FBXW11: variants seen among roughly 807,000 people sequenced by gnomAD.
FBXW11 encodes the protein F-box/WD repeat-containing protein 11.
Under a neutral mutation model 77.6 loss-of-function variants are expected in FBXW11, and 19 were observed. The observed-to-expected ratio is 0.24, with a 90% CI of 0.17 to 0.36. The LOEUF (loss-of-function observed/expected upper bound fraction) is 0.36, where lower values mean the gene tolerates loss of function less well. Among genes scored for constraint, FBXW11 ranks in the 10% least tolerant of loss-of-function variants. The pLI is 1.00. For synonymous variants in FBXW11, 235 were observed against 249.4 expected (o/e 0.94, Z 0.54); for missense variants, 334 against 704.2 (o/e 0.47, Z 5.95).
At chr5:171,971,293 A>C (rs1018171800) in intron 1 of FBXW11, among the ~76,000 whole-genome samples, 3 of 152,188 alleles carry the variant, frequency 2.0e-5, no homozygotes, top group Non-Finnish European at 4.4e-5. Flanking sequence ...ACAGAAAACA[A>C]CACTCTGGAA....
chr5:171,883,953 GA>G (rs745433614), intron 7 of FBXW11, among the ~76,000 whole-genome samples: 1 of 152,138 alleles, frequency 6.6e-6, no homozygotes, highest in African/African-American at 2.4e-5. Flanking sequence ...TCCTTTGTCA[GA>G]TGTATAGATT....
intron 7 of FBXW11, among the ~76,000 whole-genome samples, chr5:171,886,256 G>A (rs1389177578): frequency 6.6e-6 from 1 of 152,148 alleles, no homozygotes; most frequent in African/African-American, 2.4e-5. Context: ...AAAATGATGA[G>A]TTCATGTCCT....
At chr5:171,886,471 T>C (rs1358826201) in intron 7 of FBXW11, among the ~76,000 whole-genome samples, 1 of 151,848 alleles carries the variant, frequency 6.6e-6, no homozygotes, top group Non-Finnish European at 1.5e-5. Context: ...TACCTAATGT[T>C]AAACGAAGAG....
At chr5:172,000,080 C>T (rs552163963) in intron 1 of FBXW11, among the ~76,000 whole-genome samples, 2 of 152,190 alleles carry the variant, frequency 1.3e-5, no homozygotes, top group Non-Finnish European at 2.9e-5. Flanking sequence ...TAAGCAATTG[C>T]GATCAGCAGA....
At chr5:171,971,536 C>T (rs1437489127) in intron 1 of FBXW11, among the ~76,000 whole-genome samples, 11 of 152,128 alleles carry the variant, frequency 7.2e-5, no homozygotes, top group Admixed American at 7.2e-4. Flanking sequence ...GTATATGTCA[C>T]TGTAATCACT....
chr5:171,952,740 G>A (rs1463035442), intron 2 of FBXW11, among the ~76,000 whole-genome samples: 9 of 151,598 alleles, frequency 5.9e-5, no homozygotes, highest in African/African-American at 9.7e-5. Flanking sequence ...GTGAGCCACC[G>A]CGCCCAGCCT....
intron 10 of FBXW11, 40 bp downstream of exon 10, chr5:171,872,832 A>G (rs1757839737): frequency 6.7e-7 from 1 of 1,499,444 alleles, no homozygotes; most frequent in Non-Finnish European, 9.3e-7. Context: ...CAATGTGGCA[A>G]AAATCAGCCT....
At chr5:171,899,677 T>C (rs894876410) in intron 5 of FBXW11, among the ~76,000 whole-genome samples, 1 of 101,578 alleles carries the variant, frequency 9.8e-6, no homozygotes, top group Non-Finnish European at 2.1e-5. Flanking sequence ...CATAAATACA[T>C]AGCTTTGAAA....
intron 1 of FBXW11, among the ~76,000 whole-genome samples, chr5:171,991,672 T>C (rs1241711390): frequency 6.6e-6 from 1 of 152,218 alleles, no homozygotes; most frequent in African/African-American, 2.4e-5. Context: ...AAATTTGAGT[T>C]TGCATAAATG....
At chr5:171,884,082 C>T (rs910050853) in intron 7 of FBXW11, among the ~76,000 whole-genome samples, 4 of 152,220 alleles carry the variant, frequency 2.6e-5, no homozygotes, top group African/African-American at 9.6e-5. Flanking sequence ...GTAGTATTTG[C>T]TTTTGGTTCT....
At chr5:172,003,304 T>C (rs1766528113) in intron 1 of FBXW11, 1 of 152,212 alleles carries the variant, frequency 6.6e-6, no homozygotes, top group Non-Finnish European at 1.5e-5. Context: ...TTTCTAGTGA[T>C]GAGTGCCTGA....
chr5:172,000,423 T>C (rs1017511607), intron 1 of FBXW11, among the ~76,000 whole-genome samples: 3 of 152,206 alleles, frequency 2.0e-5, no homozygotes, highest in Non-Finnish European at 2.9e-5. Flanking sequence ...TTACGCCAAA[T>C]TGGTAGTCAT....
chr5:171,996,056 T>C (rs1390519518), intron 1 of FBXW11, among the ~76,000 whole-genome samples: 1 of 152,146 alleles, frequency 6.6e-6, no homozygotes, highest in Non-Finnish European at 1.5e-5. Flanking sequence ...AGGTGAAGCA[T>C]TGTGCCAATT....
At chr5:171,999,764 T>C (rs550777705) in intron 1 of FBXW11, among the ~76,000 whole-genome samples, 2 of 152,302 alleles carry the variant, frequency 1.3e-5, no homozygotes, top group Admixed American at 6.5e-5. Context: ...TATACAATGG[T>C]TTCCTACATT....
rs1339233031 is a variant in FBXW11 at position 171,977,627 on chromosome 5, T to C, written c.46-19929A>G. The stretch of plus-strand genomic sequence containing the variant: ...AAGTTACAAAAGAAAGAAGTTTAAC[T>C]GGACTTACAGTTCCACATGGATGGG... On this transcript the variant is annotated intron_variant, in intron 1 of 13. Coordinates refer to ENST00000517395, the MANE Select transcript of FBXW11 (RefSeq NM_001378974.1). The C allele has an allele frequency of 8.9e-6, 4 of 451,272 alleles. No homozygotes were observed. In the East Asian group the frequency reaches 2.9e-4, roughly 32 times the overall value. 28.0% of individuals were successfully genotyped at this position (451,272 alleles called of 1,614,324 possible).
intron 2 of FBXW11, among the ~76,000 whole-genome samples, chr5:171,934,625 C>A (rs1762376942): frequency 6.8e-6 from 1 of 146,236 alleles, no homozygotes. Flanking sequence ...TGCAGCGAGC[C>A]AAGATAGCGC....
In FBXW11 at chr5:171,904,299, T is replaced by TA. The variant is rs1314628929; in HGVS notation, c.437-4200dup. On this transcript the variant is annotated intron_variant, in intron 4 of 13. Transcript: ENST00000517395. This position sits in a 1 kb window ranked among gnomAD's most constrained non-coding sequence, Gnocchi z 4.0. ...TACAGTGCAAGACTCTGTCTTTTTT[T>TA]AAAAAAAATAAAAAATAAAAAGAAT... Among the ~76,000 whole-genome samples the TA allele has an allele frequency of 5.1e-4, 77 of 151,770 alleles. No individual in the cohort carries two copies. Among genetic ancestry groups the TA allele is most frequent in the African/African-American group, 1.5e-3 (64 of 41,354 alleles).
rs114431073 is a variant in FBXW11, at chr5:171,973,192, A to G, written c.46-15494T>C. ...AGCCTCTGATCTAGCTAAAATTTAT[A>G]AGAAATACAAAGAGGAACAAAATAT... On this transcript the variant is annotated intron_variant, in intron 1 of 13. Transcript: ENST00000517395. Among the ~76,000 whole-genome samples, 570 of 152,340 alleles carry G rather than the reference A, an allele frequency of 3.7e-3. 1 individual carries two copies. The highest frequency in any genetic ancestry group is 0.017 in the Middle Eastern group (5 of 294).
chr5:171,925,293 T>C (rs956406411), intron 2 of FBXW11, among the ~76,000 whole-genome samples: 7 of 152,206 alleles, frequency 4.6e-5, no homozygotes, highest in Non-Finnish European at 8.8e-5. Flanking sequence ...TAAAAGTTAC[T>C]ACCTTTTCAG....
Sources: allele counts gnomAD v4.1 joint callset (sites outside exome capture counted in the v4.1 genomes callset), GRCh38; gene constraint gnomAD v4.1.1; non-coding constraint Gnocchi (gnomAD v3.1); transcripts MANE v1.5; gene names NCBI Gene and HGNC (gene_info 2026-07-23, HGNC 2026-07-21).